Variants in SPART observed in about 807,000 individuals in gnomAD.
The protein encoded by SPART is spastic paraplegia 20 (Troyer syndrome).
In SPART, 35 loss-of-function variants were observed where a neutral mutation model predicts 58.7. The observed-to-expected ratio is 0.60, with a 90% CI of 0.46 to 0.79. The LOEUF is 0.79. Among genes scored for constraint, SPART ranks in the 30% least tolerant of loss-of-function variants. The pLI is 0.00. For synonymous variants in SPART, 284 were observed against 280.7 expected (o/e 1.01, Z -0.12); for missense variants, 730 against 786.1 (o/e 0.93, Z 0.85).
chr13:36,326,935 T>A (rs566774781), intron 4 of SPART, among the ~76,000 whole-genome samples: 2 of 152,240 alleles, frequency 1.3e-5, no homozygotes, highest in East Asian at 3.9e-4. Context: ...CCAATATAAG[T>A]CCAATATGGC....
chr13:36,349,187 C>A (rs187452455), upstream of SPART, among the ~76,000 whole-genome samples: 1 of 152,242 alleles, frequency 6.6e-6, no homozygotes, highest in Non-Finnish European at 1.5e-5. Flanking sequence ...CACTTGAACC[C>A]GGGAGGTGGA....
chr13:36,357,830 T>C (rs534065286), intron 1 of SPART, among the ~76,000 whole-genome samples: 1 of 152,278 alleles, frequency 6.6e-6, no homozygotes, highest in African/African-American at 2.4e-5. Flanking sequence ...TGTGATGAAT[T>C]GCTGGCAAAA....
chr13:36,344,100 G>C (rs761466029), intron 1 of SPART, among the ~76,000 whole-genome samples: 24 of 151,702 alleles, frequency 1.6e-4, no homozygotes, highest in African/African-American at 2.9e-4. Flanking sequence ...AGATGTGTTT[G>C]ATTCCAAATC....
chr13:36,330,833 C>T (rs1026289580), intron 3 of SPART, among the ~76,000 whole-genome samples: 7 of 151,852 alleles, frequency 4.6e-5, no homozygotes, highest in Admixed American at 3.9e-4. Context: ...CTTCATTTAC[C>T]ACAAGAACAA....
At position 36,339,638 on chromosome 13, in the gene SPART, A is replaced by AAAAC. The variant is rs1555263975; in HGVS notation, c.-2-3807_-2-3806insGTTT. Among the ~76,000 whole-genome samples the AAAAC allele has an allele frequency of 6.6e-3, 990 of 149,468 alleles. 22 individuals are homozygous for AAAAC. The highest frequency in any genetic ancestry group is 0.04 in the South Asian group (186 of 4,672). On this transcript the variant is annotated intron_variant, in intron 1 of 8. Coordinates refer to ENST00000438666, the MANE Select transcript of SPART (RefSeq NM_015087.5). ...GAGCACGACTCCATCAAAAAAAAAA[A>AAAAC]AAAAAAAAAAAAAACCAACCAACAA...
chr13:36,323,340 T>TAC (rs1034253613), intron 5 of SPART, among the ~76,000 whole-genome samples: 1 of 152,232 alleles, frequency 6.6e-6, no homozygotes, highest in Non-Finnish European at 1.5e-5. Flanking sequence ...AGCAACCCTC[T>TAC]ACCTCCTTCC....
chr13:36,352,814 G>T (rs924262462), intron 1 of SPART, among the ~76,000 whole-genome samples: 10 of 150,958 alleles, frequency 6.6e-5, no homozygotes, highest in African/African-American at 2.4e-4. Context: ...TTGAAAATTA[G>T]CCAGGCATGG....
chr13:36,347,155 AACAG>A (rs1885199553), upstream of SPART, among the ~76,000 whole-genome samples: 7 of 151,944 alleles, frequency 4.6e-5, no homozygotes, highest in African/African-American at 1.7e-4. Flanking sequence ...GGGAAAAAAA[AACAG>A]AAAAAAGAAA....
At chr13:36,320,084 C>T (rs957922428) in intron 5 of SPART, among the ~76,000 whole-genome samples, 2 of 152,318 alleles carry the variant, frequency 1.3e-5, no homozygotes, top group Admixed American at 6.5e-5. Context: ...GCCCTCATGT[C>T]TGCGTGCAGC....
At chr13:36,366,556 G>C (rs1886062173) in intron 1 of SPART, among the ~76,000 whole-genome samples, 1 of 152,152 alleles carries the variant, frequency 6.6e-6, no homozygotes, top group Admixed American at 6.5e-5. Context: ...TGCCATTTCT[G>C]ATACTCAACT....
intron 1 of SPART, among the ~76,000 whole-genome samples, chr13:36,342,710 T>C (rs968469112): frequency 6.6e-6 from 1 of 152,120 alleles, no homozygotes; most frequent in Non-Finnish European, 1.5e-5. Context: ...CCACTCTAAA[T>C]GGTCTTCAAA....
At chr13:36,352,804 T>A (rs7981967) in intron 1 of SPART, among the ~76,000 whole-genome samples, 17,632 of 136,840 alleles carry the variant, frequency 0.13, 1,079 homozygotes, top group Admixed American at 0.18. Flanking sequence ...AAAAAAAAAA[T>A]TGAAAATTAG....
intron 1 of SPART, among the ~76,000 whole-genome samples, chr13:36,339,627 C>CAAAAAAAAAAAAAAAAAAAA (rs71084420): frequency 2.6e-5 from 1 of 38,804 alleles, no homozygotes. Flanking sequence ...ACGACTCCAT[C>CAAAAAAAAAAAAAAAAAAAA]AAAAAAAAAA....
At chr13:36,331,259 A>C (rs531043881) in intron 3 of SPART, 140 bp downstream of exon 3, 25 of 771,870 alleles carry the variant, frequency 3.2e-5, no homozygotes, top group African/African-American at 3.2e-4. Context: ...CCAAGCATGT[A>C]GTTGTGAACA....
At chr13:36,338,457 A>G (rs1884234302) in intron 1 of SPART, among the ~76,000 whole-genome samples, 1 of 152,158 alleles carries the variant, frequency 6.6e-6, no homozygotes, top group Non-Finnish European at 1.5e-5. Context: ...AGGCATAAGA[A>G]TTGATGGAAT....
upstream of SPART, among the ~76,000 whole-genome samples, chr13:36,347,105 A>G (rs1311328536): frequency 6.6e-6 from 1 of 152,120 alleles, no homozygotes; most frequent in African/African-American, 2.4e-5. Flanking sequence ...TAAATTAGTA[A>G]AATATTGTAG....
upstream of SPART, among the ~76,000 whole-genome samples, chr13:36,349,784 A>G (rs759795452): frequency 5.3e-5 from 8 of 152,250 alleles, no homozygotes; most frequent in Non-Finnish European, 1.0e-4. Flanking sequence ...AATCATTTTC[A>G]TATGAAGAAG....
intron 8 of SPART, among the ~76,000 whole-genome samples, chr13:36,305,515 G>T (rs1019061421): frequency 4.6e-5 from 7 of 152,180 alleles, no homozygotes; most frequent in African/African-American, 1.7e-4. Flanking sequence ...GATATTCAAT[G>T]AATATTCACT....
At chr13:36,311,643 A>G (rs1416960680) in intron 8 of SPART, among the ~76,000 whole-genome samples, 5 of 152,238 alleles carry the variant, frequency 3.3e-5, no homozygotes, top group East Asian at 3.8e-4. Context: ...TATAATGATT[A>G]GTAACATAAA....
Sources: allele counts gnomAD v4.1 joint callset (sites outside exome capture counted in the v4.1 genomes callset), GRCh38; gene constraint gnomAD v4.1.1; transcripts MANE v1.5; gene names NCBI Gene and HGNC (gene_info 2026-07-23, HGNC 2026-07-21).